TOP1MT: variants seen among roughly 807,000 people sequenced by gnomAD.
The protein encoded by TOP1MT is DNA topoisomerase I mitochondrial, also known as DNA topoisomerase I, mitochondrial.
A neutral mutation model predicts 73.9 loss-of-function variants in TOP1MT; 80 were observed. That is an observed-to-expected ratio of 1.08 (90% CI 0.90 to 1.30). The LOEUF (loss-of-function observed/expected upper bound fraction) is 1.30, where lower values mean the gene tolerates loss of function less well. Ranked by LOEUF, TOP1MT falls within the 50% of genes most tolerant of loss-of-function variation. The probability of loss-of-function intolerance (pLI) is 0.00; values close to 1 mark genes in which losing one functional copy is unlikely to be tolerated. For missense variants in TOP1MT, 815 were observed against 808.0 expected (o/e 1.01, Z -0.10); for synonymous variants, 338 against 326.4 (o/e 1.04, Z -0.38).
Position 143,317,999 on chromosome 8 carries a change from G to A in TOP1MT, c.1215+19C>T. Reference sequence around the variant, plus strand: ...GGTCCTGCCGCCGCCCACTGCTGAGGAAACACGAGCCGGCTTACGGTCAGC... The same window carrying A: ...GGTCCTGCCGCCGCCCACTGCTGAGAAAACACGAGCCGGCTTACGGTCAGC... On this transcript the variant is annotated intron_variant, in intron 9 of 13. Coordinates refer to ENST00000329245, the MANE Select transcript of TOP1MT (RefSeq NM_052963.3). 1 of 1,614,110 alleles carries A rather than the reference G, an allele frequency of 6.2e-7. No individual in the cohort carries two copies. Among genetic ancestry groups the A allele is most frequent in the Non-Finnish European group, 8.5e-7 (1 of 1,179,958 alleles).
chr8:143,343,478 G>A (rs927525804), intron 1 of TOP1MT: 3 of 341,242 alleles, frequency 8.8e-6, no homozygotes, highest in Non-Finnish European at 1.7e-5. Flanking sequence ...CTCTGACTCT[G>A]AGCACAGCAC....
chr8:143,318,788 A>C (rs1450440397), intron 8 of TOP1MT, among the ~76,000 whole-genome samples: 1 of 152,080 alleles, frequency 6.6e-6, no homozygotes, highest in Non-Finnish European at 1.5e-5. Flanking sequence ...TGGCTGATGA[A>C]CCCCATTCTA....
intron 3 of TOP1MT, among the ~76,000 whole-genome samples, chr8:143,328,488 C>T (rs1317622573): frequency 2.0e-5 from 3 of 152,230 alleles, no homozygotes; most frequent in East Asian, 3.8e-4. Context: ...ACACCCACGG[C>T]GAGGTGTCAT....
At chr8:143,335,126 C>T (rs1816960771), upstream of TOP1MT, among the ~76,000 whole-genome samples, 1 of 152,252 alleles carries the variant, frequency 6.6e-6, no homozygotes, top group South Asian at 2.1e-4. Context: ...TCCCACTGAC[C>T]TCTGCAGCAC....
intron 12 of TOP1MT, among the ~76,000 whole-genome samples, chr8:143,312,575 A>G (rs1388914188): frequency 6.6e-6 from 1 of 152,240 alleles, no homozygotes; most frequent in Non-Finnish European, 1.5e-5. Context: ...TTAACTTAAC[A>G]AACAGCTTCT....
intron 7 of TOP1MT, among the ~76,000 whole-genome samples, chr8:143,321,796 C>CCACACGCACG (rs1563758308): frequency 2.5e-5 from 1 of 39,552 alleles, no homozygotes; most frequent in Non-Finnish European, 5.5e-5. Flanking sequence ...CACACGCACG[C>CCACACGCACG]CACACACGCA....
chr8:143,341,696 C>T lies in TOP1MT; in HGVS notation c.29+1524G>A, dbSNP rs919603313. ...GTCAGCTTGGGGCTGCTCCCAACTCCGGAGCAGGTGCAGGCCGCAACAGGC... is the reference window on the plus strand; with the variant it reads ...GTCAGCTTGGGGCTGCTCCCAACTCTGGAGCAGGTGCAGGCCGCAACAGGC... On this transcript the variant is annotated intron_variant, in intron 2 of 5. Coordinates refer to the TOP1MT transcript ENST00000518007. The surrounding 1 kb of genome is among the most constrained non-coding windows in gnomAD (Gnocchi z 4.1). Among the ~76,000 whole-genome samples, 9 of 152,218 alleles carry T rather than the reference C, an allele frequency of 5.9e-5. No individual in the cohort carries two copies. The highest frequency in any genetic ancestry group is 1.0e-4 in the Non-Finnish European group (7 of 68,026).
chr8:143,321,557 C>CCA (rs1198696730), intron 7 of TOP1MT, among the ~76,000 whole-genome samples, 171 bp from the exon 8 acceptor site: 1 of 106,166 alleles, frequency 9.4e-6, no homozygotes, highest in Non-Finnish European at 2.1e-5. Flanking sequence ...CACACGCACG[C>CCA]CACACACACG....
intron 1 of TOP1MT, 74 bp from the exon 2 acceptor site, chr8:143,331,413 G>T: frequency 1.6e-6 from 2 of 1,286,750 alleles, no homozygotes; most frequent in Non-Finnish European, 1.1e-6. Context: ...TCCCACAGTG[G>T]CTCCTCCCTG....
intron 12 of TOP1MT, among the ~76,000 whole-genome samples, chr8:143,314,946 G>A (rs989190361): frequency 1.2e-4 from 18 of 152,178 alleles, no homozygotes; most frequent in Admixed American, 5.2e-4. Flanking sequence ...ACAAGAGTGC[G>A]AGCCTTCTGT....
chr8:143,312,469 A>T (rs1336390955), intron 12 of TOP1MT, among the ~76,000 whole-genome samples: 2 of 152,192 alleles, frequency 1.3e-5, no homozygotes, highest in Non-Finnish European at 2.9e-5. Context: ...CAAAAACAAG[A>T]TCTCAACAGG....
chr8:143,351,537 G>T (rs1230609828), intron 1 of TOP1MT, among the ~76,000 whole-genome samples: 1 of 150,698 alleles, frequency 6.6e-6, no homozygotes, highest in Non-Finnish European at 1.5e-5. Flanking sequence ...CCAAGATCAT[G>T]CCACCGCACT....
At chr8:143,312,122 A>C (rs10088412) in intron 12 of TOP1MT, among the ~76,000 whole-genome samples, 76,483 of 152,060 alleles carry the variant, frequency 0.5, 20,711 homozygotes, top group East Asian at 0.76. Context: ...TGAGCCCAGG[A>C]GTTCAAGACC....
chr8:143,324,366 C>A, intron 6 of TOP1MT, 119 bp downstream of exon 6: 2 of 1,492,208 alleles, frequency 1.3e-6, no homozygotes, highest in Non-Finnish European at 9.1e-7. Context: ...TCAGCACGGG[C>A]TGGCCGACTC....
At chr8:143,335,731 C>T (rs931203897), upstream of TOP1MT, among the ~76,000 whole-genome samples, 3 of 152,252 alleles carry the variant, frequency 2.0e-5, no homozygotes, top group Admixed American at 6.5e-5. Flanking sequence ...ACATGCATTC[C>T]GCACTTTCAC....
intron 1 of TOP1MT, among the ~76,000 whole-genome samples, chr8:143,333,309 G>C (rs560370922): frequency 1.3e-5 from 2 of 152,266 alleles, no homozygotes; most frequent in Non-Finnish European, 2.9e-5. Context: ...TTAGCTAGGC[G>C]TGGTGGCGGG....
rs1586779966 is a variant in TOP1MT at position 143,341,947 on chromosome 8, G to C, written c.29+1273C>G. 6.8e-6 allele frequency among the ~76,000 whole-genome samples: 1 copy of C among 146,734 alleles called. No homozygotes were observed. The highest frequency in any genetic ancestry group is 2.5e-5 in the African/African-American group (1 of 39,374). ...TATTATTGAGACAGAGTCTCGCTCT[G>C]TTATTATTATTATTAGAGACAGAGT... On this transcript the variant is annotated intron_variant, in intron 2 of 5. Coordinates refer to the TOP1MT transcript ENST00000518007. This position sits in a 1 kb window ranked among gnomAD's most constrained non-coding sequence, Gnocchi z 4.1.
At chr8:143,357,976 T>C (rs1817440563), upstream of TOP1MT, among the ~76,000 whole-genome samples, 1 of 151,282 alleles carries the variant, frequency 6.6e-6, no homozygotes, top group South Asian at 2.1e-4. Context: ...TGGTCCCAGC[T>C]ACTGGAGAGG....
chr8:143,323,044 CAG>C (rs1377518112), intron 7 of TOP1MT, among the ~76,000 whole-genome samples: 3 of 108,008 alleles, frequency 2.8e-5, no homozygotes, highest in Admixed American at 1.0e-4. Flanking sequence ...GCACGCCACA[CAG>C]GCACGCCACA....
Sources: gnomAD v4.1 joint callset for allele counts (sites outside exome capture counted in the v4.1 genomes callset) on GRCh38, gnomAD v4.1.1 for gene constraint, Gnocchi (gnomAD v3.1) non-coding constraint, MANE v1.5 for transcripts, NCBI Gene and HGNC (gene_info 2026-07-23, HGNC 2026-07-21) for gene names.